Variants in CDH26 observed in about 807,000 individuals in gnomAD.
CDH26 encodes the protein cadherin-like protein 26.
Under a neutral mutation model 90.3 loss-of-function variants are expected in CDH26, and 83 were observed. The observed-to-expected ratio is 0.92, with a 90% CI of 0.77 to 1.10. The LOEUF (loss-of-function observed/expected upper bound fraction) is 1.10, where lower values mean the gene tolerates loss of function less well. Ranked by LOEUF, CDH26 falls within the 50% of genes least tolerant of loss-of-function variation. The probability of loss-of-function intolerance (pLI) is 0.00; values close to 1 mark genes in which losing one functional copy is unlikely to be tolerated. For synonymous variants in CDH26, 397 were observed against 396.3 expected, an observed-to-expected ratio of 1.00 and a Z score of -0.02; for missense variants, 1,013 against 1,037.6, an observed-to-expected ratio of 0.98 and a Z score of 0.33.
intron 7 of CDH26, among the ~76,000 whole-genome samples, chr20:59,985,413 A>G (rs2061444972): frequency 6.6e-6 from 1 of 152,150 alleles, no homozygotes; most frequent in African/African-American, 2.4e-5. Context: ...GGTGACAACA[A>G]GAGCATGCAA....
intron 4 of CDH26, among the ~76,000 whole-genome samples, chr20:59,982,353 G>A (rs766147430): frequency 1.3e-5 from 2 of 152,138 alleles, no homozygotes; most frequent in African/African-American, 2.4e-5. Flanking sequence ...TTCTTAAGGT[G>A]GAAGCTTAAA....
chr20:60,016,731 A>G (rs1395477070), downstream of CDH26, among the ~76,000 whole-genome samples: 1 of 152,038 alleles, frequency 6.6e-6, no homozygotes, highest in African/African-American at 2.4e-5. Flanking sequence ...CTCATTTAGT[A>G]TGATGTTAGC....
At chr20:59,961,759 T>C (rs1214970406) in intron 1 of CDH26, among the ~76,000 whole-genome samples, 2 of 152,176 alleles carry the variant, frequency 1.3e-5, no homozygotes, top group Non-Finnish European at 2.9e-5. Context: ...TGTTCCAGGT[T>C]CAGTGACAAG....
intron 1 of CDH26, among the ~76,000 whole-genome samples, chr20:59,959,233 TGGG>T (rs2061036386): frequency 6.6e-6 from 1 of 152,084 alleles, no homozygotes; most frequent in Non-Finnish European, 1.5e-5. Context: ...CAAGAGTAGC[TGGG>T]ACTACAGTAA....
chr20:60,015,304 A>G (rs1449704292), downstream of CDH26, among the ~76,000 whole-genome samples: 1 of 151,646 alleles, frequency 6.6e-6, no homozygotes, highest in Non-Finnish European at 1.5e-5. Context: ...GCTATTTTTG[A>G]CTCTTTGATA....
chr20:59,982,234 G>T (rs1376152735), intron 4 of CDH26, among the ~76,000 whole-genome samples: 1 of 152,044 alleles, frequency 6.6e-6, no homozygotes, highest in East Asian at 1.9e-4. Flanking sequence ...ATGCGATTAC[G>T]TTGGTTACTT....
rs2061887198 is a variant in CDH26 at position 60,014,405 on chromosome 20, T to C, written c.*1675T>C. On this transcript the variant is annotated 3_prime_UTR_variant, in exon 18 of 18. Coordinates refer to ENST00000348616, the MANE Select transcript of CDH26 (RefSeq NM_177980.4). Reference sequence around the variant, plus strand: ...TGCTAGAACGTATTCCTCCTAGGAATAATTTGCTGTAATTTTGTATCCTTT... The same window carrying C: ...TGCTAGAACGTATTCCTCCTAGGAACAATTTGCTGTAATTTTGTATCCTTT... The C allele has an allele frequency of 6.6e-6, 1 of 152,258 alleles. No individual in the cohort carries two copies. Among genetic ancestry groups the C allele is most frequent in the Non-Finnish European group, 1.5e-5 (1 of 68,054 alleles). 9.4% of individuals were successfully genotyped at this position (152,258 alleles called of 1,614,324 possible).
intron 7 of CDH26, among the ~76,000 whole-genome samples, chr20:60,026,970 G>A (rs1405593319): frequency 6.6e-6 from 1 of 152,190 alleles, no homozygotes; most frequent in African/African-American, 2.4e-5. Context: ...TGAGTGATAT[G>A]GCGACTATTG....
At chr20:59,980,939 A>G (rs2061388142) in intron 4 of CDH26, among the ~76,000 whole-genome samples, 1 of 152,134 alleles carries the variant, frequency 6.6e-6, no homozygotes, top group Non-Finnish European at 1.5e-5. Flanking sequence ...AGTGTGAGAT[A>G]TAGACCCAGG....
At chr20:59,996,367 C>A in intron 12 of CDH26, 2 of 1,459,804 alleles carry the variant, frequency 1.4e-6, no homozygotes, top group South Asian at 2.9e-5. Flanking sequence ...CTGGACTTGG[C>A]AAGGCTAATA....
At chr20:59,970,548 C>T (rs895428697) in intron 3 of CDH26, among the ~76,000 whole-genome samples, 6 of 151,218 alleles carry the variant, frequency 4.0e-5, no homozygotes, top group South Asian at 2.1e-4. Context: ...CGGTGGCTCA[C>T]GCCTGTAATC....
chr20:59,964,444 G>A (rs1227720888), intron 1 of CDH26, among the ~76,000 whole-genome samples: 4 of 148,794 alleles, frequency 2.7e-5, no homozygotes, highest in East Asian at 4.0e-4. Flanking sequence ...CCCCGCCCCC[G>A]ACCCCAGGCC....
intron 4 of CDH26, among the ~76,000 whole-genome samples, chr20:59,974,747 G>A (rs577935822): frequency 6.6e-6 from 1 of 152,252 alleles, no homozygotes; most frequent in South Asian, 2.1e-4. Context: ...ACTTCCACAA[G>A]GAAAGATACA....
rs73623750 is a variant in CDH26 at position 59,965,744 on chromosome 20, T to G, written c.70-3223T>G. On this transcript the variant is annotated intron_variant, in intron 1 of 17. Coordinates refer to ENST00000348616, the MANE Select transcript of CDH26 (RefSeq NM_177980.4). ...TTTTTCTTTGATATTACACCAAAAC[T>G]CAATACACTGTAATGTCTTAACAGT... is the stretch of plus-strand genomic sequence containing the variant. Among the ~76,000 whole-genome samples the G allele has an allele frequency of 2.6e-5, 4 of 152,218 alleles. No individual in the cohort carries two copies. In the East Asian group the frequency reaches 5.8e-4, roughly 22 times the overall value.
At chr20:60,015,690 T>G, downstream of CDH26, among the ~76,000 whole-genome samples, 1 of 152,310 alleles carries the variant, frequency 6.6e-6, no homozygotes, top group East Asian at 1.9e-4. Flanking sequence ...ACTCATAAGT[T>G]TTTTTACAAG....
intron 9 of CDH26, among the ~76,000 whole-genome samples, chr20:59,990,395 C>G (rs555262263): frequency 6.6e-6 from 1 of 152,234 alleles, no homozygotes; most frequent in Admixed American, 6.5e-5. Context: ...TGCCCCTTCT[C>G]TCTCCAGGCT....
chr20:60,030,377 T>G lies in CDH26; in HGVS notation c.948-854T>G, dbSNP rs66474973. On this transcript the variant is annotated intron_variant, in intron 7 of 8. Coordinates refer to the CDH26 transcript ENST00000370991. The surrounding 1 kb of genome is among the most constrained non-coding windows in gnomAD (Gnocchi z 4.0). ...TCTGTTGGTGTTTTAAGTATCTGGGTTTTTTTTTGTTTGCTTTTTTTTGTT... is the reference window on the plus strand; with the variant it reads ...TCTGTTGGTGTTTTAAGTATCTGGGGTTTTTTTTGTTTGCTTTTTTTTGTT... Among the ~76,000 whole-genome samples, 20,931 of 151,584 alleles carry G rather than the reference T, an allele frequency of 0.14. 1,589 individuals carry two copies. The highest frequency in any genetic ancestry group is 0.2 in the African/African-American group (8,286 of 41,338).
rs546750109 is a variant in CDH26 at position 60,004,720 on chromosome 20, C to T, written c.2220+1854C>T. 5.5e-5 allele frequency among the ~76,000 whole-genome samples: 8 copies of T among 145,922 alleles called. No individual in the cohort carries two copies. The South Asian group carries it at 8.7e-4, about 16-fold the overall frequency. The stretch of plus-strand genomic sequence containing the variant: ...GGCGGCGCTTGCAGTGAGCCAAGAT[C>T]GCGCCACTGCACTCCAGCCTGGGTG... On this transcript the variant is annotated intron_variant, in intron 16 of 17. Coordinates refer to ENST00000348616, the MANE Select transcript of CDH26 (RefSeq NM_177980.4).
chr20:60,001,561 A>G (rs1030448520), intron 15 of CDH26, 150 bp downstream of exon 15: 1 of 1,414,664 alleles, frequency 7.1e-7, no homozygotes, highest in Non-Finnish European at 9.2e-7. Flanking sequence ...GGCTTTTTCC[A>G]CCCGACTCTA....
Sources: allele counts gnomAD v4.1 joint callset (sites outside exome capture counted in the v4.1 genomes callset), GRCh38; gene constraint gnomAD v4.1.1; non-coding constraint Gnocchi (gnomAD v3.1); transcripts MANE v1.5; gene names NCBI Gene and HGNC (gene_info 2026-07-23, HGNC 2026-07-21).